The following SDK1 variants were observed in gnomAD, a reference collection of about 807,000 sequenced individuals.
SDK1 encodes protein sidekick-1.
In SDK1, 157 loss-of-function variants were observed where a neutral mutation model predicts 245.5. That is an observed-to-expected ratio of 0.64 (90% CI 0.56 to 0.73). SDK1 has a LOEUF of 0.73. Among genes scored for constraint, SDK1 ranks in the 30% least tolerant of loss-of-function variants. SDK1 has a pLI of 0.00. For synonymous variants in SDK1, 1,647 were observed against 1,278.5 expected, an observed-to-expected ratio of 1.29 and a Z score of -6.15; for missense variants, 3,583 against 3,002.3, an observed-to-expected ratio of 1.19 and a Z score of -4.52.
At chr7:3,472,198 C>G (rs1448657149) in intron 1 of SDK1, among the ~76,000 whole-genome samples, 2 of 152,048 alleles carry the variant, frequency 1.3e-5, no homozygotes, top group African/African-American at 4.8e-5. Flanking sequence ...TTTTGCATTT[C>G]TAGTTTTTTT....
chr7:3,928,256 T>G (rs892742300), intron 5 of SDK1, among the ~76,000 whole-genome samples: 1 of 152,224 alleles, frequency 6.6e-6, no homozygotes. Flanking sequence ...TGGAGTTTTT[T>G]CGGTCTGAAT....
intron 14 of SDK1, among the ~76,000 whole-genome samples, chr7:4,000,035 G>T (rs908951222): frequency 6.6e-6 from 1 of 152,324 alleles, no homozygotes; most frequent in Admixed American, 6.5e-5. Flanking sequence ...GGAGCTGTCT[G>T]TGAGGCTCAG....
chr7:3,476,891 A>C (rs1562509998), intron 1 of SDK1, among the ~76,000 whole-genome samples: 1 of 152,196 alleles, frequency 6.6e-6, no homozygotes, highest in Non-Finnish European at 1.5e-5. Flanking sequence ...GGCTTTTGGC[A>C]GTAAGTGGGG....
At chr7:4,254,318 T>A (rs1295861361) in intron 44 of SDK1, among the ~76,000 whole-genome samples, 1 of 152,178 alleles carries the variant, frequency 6.6e-6, no homozygotes, top group Non-Finnish European at 1.5e-5. Flanking sequence ...TTTTTAAAAG[T>A]CTTTTCTTCA....
intron 5 of SDK1, among the ~76,000 whole-genome samples, chr7:3,897,894 C>A (rs1362693870): frequency 3.3e-5 from 5 of 151,898 alleles, no homozygotes; most frequent in Non-Finnish European, 1.5e-5. Flanking sequence ...TTTCTCTCAT[C>A]TTTTACTCTT....
rs904538835 is a variant in SDK1, at chr7:3,805,779, T to C, written c.714-15671T>C. ...AAAACAAGAAAAACATCATCCAGTG[T>C]ATCCAAAAAAGAAATATTGTCAAGG... On this transcript the variant is annotated intron_variant, in intron 4 of 44. Coordinates refer to ENST00000404826, the MANE Select transcript of SDK1 (RefSeq NM_152744.4). Among the ~76,000 whole-genome samples, 17 of 152,292 alleles carry C rather than the reference T, an allele frequency of 1.1e-4. No individual in the cohort carries two copies. The East Asian group carries it at 3.3e-3, about 29-fold the overall frequency.
chr7:3,753,371 A>G lies in SDK1; in HGVS notation c.714-68079A>G, dbSNP rs371293540. Among the ~76,000 whole-genome samples, 37 of 152,350 alleles carry G rather than the reference A, an allele frequency of 2.4e-4. No individual in the cohort carries two copies. In the East Asian group the frequency reaches 4.0e-3, roughly 17 times the overall value. ...CACCATCAGTATTAGAGATGCAAGCATGCAGGTTTCCTAAACTGAAGAGAC... is the reference window on the plus strand; with the variant it reads ...CACCATCAGTATTAGAGATGCAAGCGTGCAGGTTTCCTAAACTGAAGAGAC... On this transcript the variant is annotated intron_variant, in intron 4 of 44. Coordinates refer to ENST00000404826, the MANE Select transcript of SDK1 (RefSeq NM_152744.4).
chr7:3,717,786 A>C (rs1367021726), intron 4 of SDK1, among the ~76,000 whole-genome samples: 2 of 152,126 alleles, frequency 1.3e-5, no homozygotes, highest in East Asian at 3.9e-4. Flanking sequence ...AACCCTCCCC[A>C]CTTGATATCC....
At chr7:3,515,896 A>G (rs1054222778) in intron 1 of SDK1, among the ~76,000 whole-genome samples, 2 of 152,166 alleles carry the variant, frequency 1.3e-5, no homozygotes, top group Admixed American at 6.6e-5. Context: ...ATTCTTCACT[A>G]TGTGGAAGAG....
At chr7:3,525,051 CTATT>C (rs530898512) in intron 1 of SDK1, among the ~76,000 whole-genome samples, 10 of 152,100 alleles carry the variant, frequency 6.6e-5, no homozygotes, top group Admixed American at 2.6e-4. Context: ...AAAAATATAA[CTATT>C]TACGTAGCAT....
intron 1 of SDK1, among the ~76,000 whole-genome samples, chr7:3,565,236 C>T (rs1779873656): frequency 6.6e-6 from 1 of 151,838 alleles, no homozygotes; most frequent in African/African-American, 2.4e-5. Context: ...ACTTCACCTC[C>T]CTCTTCCGGA....
chr7:3,848,862 G>C (rs912739358), intron 5 of SDK1, among the ~76,000 whole-genome samples: 3 of 152,070 alleles, frequency 2.0e-5, no homozygotes, highest in African/African-American at 7.2e-5. Context: ...AGTAGAGACA[G>C]GGTTTCGCCA....
intron 16 of SDK1, among the ~76,000 whole-genome samples, chr7:4,015,164 C>T (rs964774363): frequency 6.6e-6 from 1 of 152,116 alleles, no homozygotes; most frequent in Non-Finnish European, 1.5e-5. Flanking sequence ...ATGCTACTGT[C>T]GTACCCACCT....
chr7:3,936,937 A>G (rs1430294623), intron 5 of SDK1, among the ~76,000 whole-genome samples: 1 of 152,096 alleles, frequency 6.6e-6, no homozygotes, highest in Non-Finnish European at 1.5e-5. Context: ...AATGTTTCAG[A>G]GAATGCCACA....
At chr7:3,482,744 G>A (rs1347364365) in intron 1 of SDK1, among the ~76,000 whole-genome samples, 2 of 152,156 alleles carry the variant, frequency 1.3e-5, no homozygotes, top group Non-Finnish European at 2.9e-5. Flanking sequence ...CCTCTCTGGA[G>A]GAAAGCAGCT....
At chr7:3,334,799 G>A (rs1413481203) in intron 1 of SDK1, among the ~76,000 whole-genome samples, 1 of 151,964 alleles carries the variant, frequency 6.6e-6, no homozygotes, top group African/African-American at 2.4e-5. Flanking sequence ...AAGTCTAGAG[G>A]TATATTTCCA....
At chr7:4,088,649 G>C (rs2128182643) in intron 22 of SDK1, among the ~76,000 whole-genome samples, 1 of 151,820 alleles carries the variant, frequency 6.6e-6, no homozygotes, top group Non-Finnish European at 1.5e-5. Flanking sequence ...TTCATCTGTT[G>C]GTAAGGTGGT....
intron 1 of SDK1, among the ~76,000 whole-genome samples, chr7:3,426,834 T>A (rs1480304794): frequency 6.6e-6 from 1 of 152,234 alleles, no homozygotes; most frequent in East Asian, 1.9e-4. Flanking sequence ...AAAATGCAGA[T>A]CTTGCCCTGC....
chr7:4,021,006 T>C (rs1042786453), intron 17 of SDK1, among the ~76,000 whole-genome samples: 6 of 152,284 alleles, frequency 3.9e-5, no homozygotes, highest in African/African-American at 9.6e-5. Flanking sequence ...AATGCTTCCA[T>C]AGGGGCCATT....
Sources: gnomAD v4.1 joint callset for allele counts (sites outside exome capture counted in the v4.1 genomes callset) on GRCh38, gnomAD v4.1.1 for gene constraint, MANE v1.5 for transcripts, NCBI Gene and HGNC (gene_info 2026-07-23, HGNC 2026-07-21) for gene names.